RPS6KC1: variants seen among roughly 807,000 people sequenced by gnomAD.
RPS6KC1 encodes inactive ribosomal protein S6 kinase delta-1.
In RPS6KC1, 54 loss-of-function variants were observed where a neutral mutation model predicts 103.8. That is an observed-to-expected ratio of 0.52 (90% CI 0.42 to 0.65). The LOEUF is 0.65. Ranked by LOEUF, RPS6KC1 falls within the 30% of genes least tolerant of loss-of-function variation. The pLI, the probability that RPS6KC1 is intolerant of heterozygous loss-of-function variation, is 0.00. For missense variants in RPS6KC1, 1,151 were observed against 1,253.8 expected, an observed-to-expected ratio of 0.92 and a Z score of 1.24; for synonymous variants, 439 against 438.7, an observed-to-expected ratio of 1.00 and a Z score of -0.01.
the RPS6KC1 span, among the ~76,000 whole-genome samples, chr1:213,366,266 CA>C: frequency 6.6e-6 from 1 of 151,578 alleles, no homozygotes; most frequent in African/African-American, 2.4e-5. Context: ...CCACCTGTTC[CA>C]AAGAGCTGTG....
chr1:213,444,511 T>G, the RPS6KC1 span, among the ~76,000 whole-genome samples: 20 of 152,124 alleles, frequency 1.3e-4, no homozygotes, highest in African/African-American at 4.6e-4. Flanking sequence ...TTAGCAATAA[T>G]GTCTCTTTGT....
chr1:213,642,598 A>G, the RPS6KC1 span, among the ~76,000 whole-genome samples: 2 of 151,936 alleles, frequency 1.3e-5, no homozygotes, highest in Non-Finnish European at 2.9e-5. Context: ...GCCTTTGATT[A>G]TTATCTATGT....
intron 12 of RPS6KC1, among the ~76,000 whole-genome samples, chr1:213,247,407 A>G (rs1033544997): frequency 1.3e-5 from 2 of 152,182 alleles, no homozygotes; most frequent in African/African-American, 4.8e-5. Context: ...ATCCATGAAT[A>G]TATTTTGGGG....
the RPS6KC1 span, among the ~76,000 whole-genome samples, chr1:213,824,886 C>T: frequency 6.6e-6 from 1 of 152,122 alleles, no homozygotes; most frequent in Non-Finnish European, 1.5e-5. Context: ...GCATTGATGC[C>T]CGCCTCCTGC....
chr1:213,227,280 A>G (rs1477466453), intron 8 of RPS6KC1, among the ~76,000 whole-genome samples: 4 of 152,210 alleles, frequency 2.6e-5, no homozygotes, highest in Admixed American at 2.0e-4. Flanking sequence ...CTCTATTCCC[A>G]TGTCGTCATC....
intron 6 of RPS6KC1, among the ~76,000 whole-genome samples, chr1:213,149,712 T>G (rs1431408345): frequency 1.3e-5 from 2 of 152,302 alleles, no homozygotes; most frequent in South Asian, 4.1e-4. Flanking sequence ...GCTTTTTCTG[T>G]CTGGAAGATC....
At chr1:213,085,030 C>CGTAAGT (rs1558285981) in intron 3 of RPS6KC1, among the ~76,000 whole-genome samples, 1 of 152,150 alleles carries the variant, frequency 6.6e-6, no homozygotes, top group Non-Finnish European at 1.5e-5. Context: ...CACTTGGTGG[C>CGTAAGT]GTAAAACAAT....
intron 6 of RPS6KC1, among the ~76,000 whole-genome samples, chr1:213,146,544 C>T (rs2087855911): frequency 6.6e-6 from 1 of 151,544 alleles, no homozygotes; most frequent in South Asian, 2.1e-4. Flanking sequence ...TGCTCATCCT[C>T]CTGAGTAGCT....
At chr1:213,717,306 CT>C in the RPS6KC1 span, among the ~76,000 whole-genome samples, 1 of 152,228 alleles carries the variant, frequency 6.6e-6, no homozygotes, top group Admixed American at 6.5e-5. Context: ...ATTATCATTG[CT>C]CAAGGGCTTC....
At chr1:213,766,701 A>G in the RPS6KC1 span, among the ~76,000 whole-genome samples, 31 of 152,196 alleles carry the variant, frequency 2.0e-4, 1 homozygote, top group East Asian at 5.6e-3. Context: ...CATAGTTTCT[A>G]TAGTAATTAT....
chr1:213,267,027 G>A (rs1010884836), intron 14 of RPS6KC1, among the ~76,000 whole-genome samples: 3 of 151,874 alleles, frequency 2.0e-5, no homozygotes, highest in Non-Finnish European at 2.9e-5. Flanking sequence ...TTGGTCAGGT[G>A]CAAAGGTTCT....
chr1:213,756,160 C>T, the RPS6KC1 span, among the ~76,000 whole-genome samples: 1 of 152,240 alleles, frequency 6.6e-6, no homozygotes, highest in Non-Finnish European at 1.5e-5. Context: ...TGTACTACTA[C>T]TTATCCCTCC....
the RPS6KC1 span, among the ~76,000 whole-genome samples, chr1:213,621,921 C>T: frequency 1.2e-4 from 18 of 152,178 alleles, 1 homozygote; most frequent in South Asian, 2.9e-3. Flanking sequence ...AAGGGCTGGC[C>T]GACCCTGGGC....
the RPS6KC1 span, among the ~76,000 whole-genome samples, chr1:213,830,658 A>G: frequency 6.6e-6 from 1 of 151,580 alleles, no homozygotes; most frequent in Non-Finnish European, 1.5e-5. Context: ...AGAAAGGTCC[A>G]ATGTCACATT....
At chr1:213,718,226 G>A in the RPS6KC1 span, among the ~76,000 whole-genome samples, 1 of 152,216 alleles carries the variant, frequency 6.6e-6, no homozygotes, top group Admixed American at 6.5e-5. Context: ...TGCACCAGCA[G>A]GTACTTGTGG....
chr1:213,534,734 A>G, the RPS6KC1 span, among the ~76,000 whole-genome samples: 1 of 152,252 alleles, frequency 6.6e-6, no homozygotes, highest in Non-Finnish European at 1.5e-5. Context: ...TATGCCTGGC[A>G]CTGTGCTAGG....
chr1:213,802,004 A>G, the RPS6KC1 span, among the ~76,000 whole-genome samples: 1 of 152,210 alleles, frequency 6.6e-6, no homozygotes, highest in Non-Finnish European at 1.5e-5. Flanking sequence ...GGTGTGTGCT[A>G]TTTGTATACT....
At chr1:213,738,978 G>A in the RPS6KC1 span, among the ~76,000 whole-genome samples, 1 of 151,074 alleles carries the variant, frequency 6.6e-6, no homozygotes, top group Non-Finnish European at 1.5e-5. Flanking sequence ...GAGCCATCTA[G>A]TACTAATTCC....
chr1:213,289,494 C>A, the RPS6KC1 span, among the ~76,000 whole-genome samples: 1 of 152,080 alleles, frequency 6.6e-6, no homozygotes, highest in Admixed American at 6.5e-5. Context: ...AAAAATGAAA[C>A]TCATTTCATT....
Sources: allele counts gnomAD v4.1 joint callset (sites outside exome capture counted in the v4.1 genomes callset), GRCh38; gene constraint gnomAD v4.1.1; transcripts MANE v1.5; gene names NCBI Gene and HGNC (gene_info 2026-07-23, HGNC 2026-07-21).